Variants in IQCH observed in about 807,000 individuals in gnomAD.
The protein encoded by IQCH is IQ motif containing H.
IQCH carries 98 observed loss-of-function variants against 117.0 expected under a neutral mutation model. That is an observed-to-expected ratio of 0.84 (90% CI 0.71 to 0.99). IQCH has a LOEUF of 0.99. Among genes scored for constraint, IQCH ranks in the 50% least tolerant of loss-of-function variants. The probability of loss-of-function intolerance (pLI) is 0.00; values close to 1 mark genes in which losing one functional copy is unlikely to be tolerated. For synonymous variants in IQCH, 412 were observed against 448.2 expected, an observed-to-expected ratio of 0.92 and a Z score of 1.02; for missense variants, 1,102 against 1,243.8, an observed-to-expected ratio of 0.89 and a Z score of 1.72.
intron 1 of IQCH, among the ~76,000 whole-genome samples, chr15:67,259,628 T>C (rs1412147076): frequency 1.3e-5 from 2 of 152,222 alleles, no homozygotes; most frequent in East Asian, 3.9e-4. Context: ...CCTCCAGTAG[T>C]TGATAGACAT....
rs372439395 is a variant in IQCH, at chr15:67,337,085, T to G, written c.498T>G (p.Asp166Glu). The change falls in exon 5 of 21, where the codon GAT becomes GAG. Residue 166 changes from aspartate (D) to glutamate (E), a missense_variant. Asp to Glu is a conservative substitution (Grantham distance 45, BLOSUM62 2). Transcript: ENST00000335894. Reference sequence around the variant, plus strand: ...CTCCTATACCAGTCTTACAAGCAGATGCCCACAAAGGTTAGTGATTCAATA... The same window carrying G: ...CTCCTATACCAGTCTTACAAGCAGAGGCCCACAAAGGTTAGTGATTCAATA... Reference protein sequence around the residue: ...YFTPIPVLQADAHKGILSMIE... With the variant: ...YFTPIPVLQAEAHKGILSMIE... The G allele has an allele frequency of 3.7e-6, 6 of 1,613,426 alleles. No individual in the cohort carries two copies. Among genetic ancestry groups the G allele is most frequent in the Non-Finnish European group, 5.1e-6 (6 of 1,179,662 alleles).
At chr15:67,389,769 A>C (rs1971224518) in intron 12 of IQCH, among the ~76,000 whole-genome samples, 1 of 151,976 alleles carries the variant, frequency 6.6e-6, no homozygotes, top group African/African-American at 2.4e-5. Flanking sequence ...AATGCACCAA[A>C]GTCAACTGTC....
intron 4 of IQCH, among the ~76,000 whole-genome samples, chr15:67,320,463 G>A (rs772826560): frequency 3.1e-4 from 47 of 151,424 alleles, no homozygotes; most frequent in South Asian, 1.1e-3. Flanking sequence ...AGTCATGTAA[G>A]TGAAATGGAC....
At position 67,384,552 on chromosome 15, in the gene IQCH, C is replaced by T. The variant is rs1277350816; in HGVS notation, c.1373-384C>T. 1.3e-5 allele frequency among the ~76,000 whole-genome samples: 2 copies of T among 152,054 alleles called. No individual in the cohort carries two copies. The highest frequency in any genetic ancestry group is 3.9e-4 in the East Asian group (2 of 5,192). ...GATTCTGGAACACATCTTCAAAATA[C>T]CACATAAGAAGCTCACATTAAGAAG... On this transcript the variant is annotated intron_variant, in intron 10 of 20. Coordinates refer to ENST00000335894, the MANE Select transcript of IQCH (RefSeq NM_001031715.3). The surrounding 1 kb of genome is among the most constrained non-coding windows in gnomAD (Gnocchi z 4.3).
At chr15:67,291,846 A>G (rs143313007) in intron 4 of IQCH, among the ~76,000 whole-genome samples, 1 of 152,346 alleles carries the variant, frequency 6.6e-6, no homozygotes, top group East Asian at 1.9e-4. Context: ...CCATGAGAGC[A>G]GCGACTTTTT....
intron 18 of IQCH, among the ~76,000 whole-genome samples, chr15:67,480,815 C>T (rs778430024): frequency 2.0e-4 from 30 of 152,082 alleles, no homozygotes; most frequent in South Asian, 4.1e-4. Flanking sequence ...AATGTACCTA[C>T]AGCTCTAGGA....
chr15:67,399,799 A>G (rs374400120), intron 13 of IQCH, among the ~76,000 whole-genome samples: 1 of 152,230 alleles, frequency 6.6e-6, no homozygotes, highest in Admixed American at 6.5e-5. Context: ...AAAGAAAACA[A>G]TATCAAGATT....
intron 10 of IQCH, among the ~76,000 whole-genome samples, chr15:67,375,219 A>G (rs1322509123): frequency 6.6e-6 from 1 of 152,226 alleles, no homozygotes; most frequent in Non-Finnish European, 1.5e-5. Context: ...GCTTGAGGCC[A>G]GGAGTTCAAG....
chr15:67,292,862 A>G (rs1966798139), intron 4 of IQCH, among the ~76,000 whole-genome samples: 1 of 152,132 alleles, frequency 6.6e-6, no homozygotes, highest in South Asian at 2.1e-4. Flanking sequence ...TCCCCAAATG[A>G]CTTTTACTCC....
intron 18 of IQCH, among the ~76,000 whole-genome samples, chr15:67,482,196 G>T (rs1320033521): frequency 6.8e-6 from 1 of 147,044 alleles, no homozygotes; most frequent in Non-Finnish European, 1.5e-5. Flanking sequence ...TGAAGCAATT[G>T]GGATCAGAAC....
At chr15:67,484,405 CA>C (rs112240255) in intron 18 of IQCH, among the ~76,000 whole-genome samples, 48 of 137,302 alleles carry the variant, frequency 3.5e-4, no homozygotes, top group East Asian at 4.2e-4. Context: ...GACCCAGTCT[CA>C]AAAAAAAAAA....
At chr15:67,335,723 C>T (rs1968862946) in intron 4 of IQCH, among the ~76,000 whole-genome samples, 1 of 152,088 alleles carries the variant, frequency 6.6e-6, no homozygotes. Flanking sequence ...TAAGGCGAGG[C>T]TGGTAGCACC....
chr15:67,398,813 T>A (rs1017659943), intron 13 of IQCH, among the ~76,000 whole-genome samples: 1 of 151,934 alleles, frequency 6.6e-6, no homozygotes, highest in Non-Finnish European at 1.5e-5. Flanking sequence ...CAGAAAACCA[T>A]AGCCAAGAAC....
intron 7 of IQCH, among the ~76,000 whole-genome samples, chr15:67,358,144 C>A (rs1969974946): frequency 7.4e-6 from 1 of 135,478 alleles, no homozygotes; most frequent in South Asian, 2.5e-4. Context: ...TAGGCATGAG[C>A]CACCACGCCT....
chr15:67,348,052 A>T (rs967947904), intron 6 of IQCH, among the ~76,000 whole-genome samples: 7 of 151,590 alleles, frequency 4.6e-5, no homozygotes, highest in African/African-American at 9.7e-5. Context: ...ATCTCAATTT[A>T]AAAAAAATCA....
chr15:67,414,704 A>G (rs1047689397), intron 14 of IQCH, among the ~76,000 whole-genome samples: 26 of 150,170 alleles, frequency 1.7e-4, no homozygotes, highest in African/African-American at 6.1e-4. Context: ...GTGTATATAT[A>G]TCACTTTTTT....
At chr15:67,260,788 AT>A (rs1286339859) in intron 1 of IQCH, among the ~76,000 whole-genome samples, 2 of 152,192 alleles carry the variant, frequency 1.3e-5, no homozygotes, top group Admixed American at 6.5e-5. Context: ...ATAATAGAGC[AT>A]TCTCAATAAA....
At position 67,336,098 on chromosome 15, in the gene IQCH, C is replaced by T. The variant is rs142138421; in HGVS notation, c.388-877C>T. On this transcript the variant is annotated intron_variant, in intron 4 of 20. Transcript: ENST00000335894. Reference sequence around the variant, plus strand: ...GAATAATCTGTGCATATCTAGTATACTGCATGGCCTGAAACAAATTTCTAA... The same window carrying T: ...GAATAATCTGTGCATATCTAGTATATTGCATGGCCTGAAACAAATTTCTAA... Among the ~76,000 whole-genome samples, 1,230 of 152,092 alleles carry T rather than the reference C, an allele frequency of 8.1e-3. 15 individuals carry two copies. The highest frequency in any genetic ancestry group is 0.027 in the African/African-American group (1,110 of 41,490).
Position 67,417,062 on chromosome 15 carries a change from CTG to C in IQCH, c.2218+13_2218+14del. On this transcript the variant is annotated intron_variant, in intron 15 of 20. Coordinates refer to ENST00000335894, the MANE Select transcript of IQCH (RefSeq NM_001031715.3). The surrounding 1 kb of genome is among the most constrained non-coding windows in gnomAD (Gnocchi z 4.3). ...CATTTCTCAGTCAAGGTAAATAAGACTGTAAAGTTTCTATTGAGGATTAGTCT... is the reference window on the plus strand; with the variant it reads ...CATTTCTCAGTCAAGGTAAATAAGACTAAAGTTTCTATTGAGGATTAGTCT... 3 of 1,594,112 alleles carry C rather than the reference CTG, an allele frequency of 1.9e-6. No homozygotes were observed. The highest frequency in any genetic ancestry group is 1.7e-6 in the Non-Finnish European group (2 of 1,171,922).
Sources: gnomAD v4.1 joint callset for allele counts (sites outside exome capture counted in the v4.1 genomes callset) on GRCh38, gnomAD v4.1.1 for gene constraint, Gnocchi (gnomAD v3.1) non-coding constraint, MANE v1.5 for transcripts, NCBI Gene and HGNC (gene_info 2026-07-23, HGNC 2026-07-21) for gene names.